The following ACSM3 variants were observed in gnomAD, a reference collection of about 807,000 sequenced individuals.
The protein encoded by ACSM3 is acyl-CoA synthetase medium chain family member 3, also known as acyl-coenzyme A synthetase ACSM3, mitochondrial.
Under a neutral mutation model 74.1 loss-of-function variants are expected in ACSM3, and 61 were observed. The observed-to-expected ratio is 0.82, with a 90% CI of 0.67 to 1.02. ACSM3 has a LOEUF of 1.02. Among genes scored for constraint, ACSM3 ranks in the 50% least tolerant of loss-of-function variants. The pLI is 0.00. For missense variants in ACSM3, 660 were observed against 697.0 expected, an observed-to-expected ratio of 0.95 and a Z score of 0.60; for synonymous variants, 213 against 241.5, an observed-to-expected ratio of 0.88 and a Z score of 1.09.
chr16:20,733,438 G>A (rs1243215489), intron 1 of ACSM3, among the ~76,000 whole-genome samples: 2 of 152,022 alleles, frequency 1.3e-5, no homozygotes, highest in African/African-American at 4.8e-5. Flanking sequence ...ATGAAAGTAA[G>A]TACTGTATTA....
intron 1 of ACSM3, chr16:20,679,654 G>A (rs1245568388): frequency 1.3e-5 from 2 of 152,114 alleles, no homozygotes; most frequent in East Asian, 3.9e-4. Flanking sequence ...CCCACACTGT[G>A]TACATACTAC....
At chr16:20,759,666 C>T (rs1341386682), upstream of ACSM3, among the ~76,000 whole-genome samples, 1 of 152,000 alleles carries the variant, frequency 6.6e-6, no homozygotes, top group African/African-American at 2.4e-5. Context: ...AAGCTCTGTA[C>T]CCCTTCTCCC....
chr16:20,680,430 T>G (rs1323965490), intron 1 of ACSM3: 1 of 152,218 alleles, frequency 6.6e-6, no homozygotes, highest in Non-Finnish European at 1.5e-5. Flanking sequence ...AAAACATAGC[T>G]GGCAGCTTAG....
chr16:20,727,318 GCC>G, intron 1 of ACSM3: 1 of 575,060 alleles, frequency 1.7e-6, no homozygotes, highest in South Asian at 1.4e-5. Context: ...TCTCAAAAAG[GCC>G]CCATGCAACT....
At position 20,790,628 on chromosome 16, in the gene ACSM3, A is replaced by AG. The variant is rs770046133; in HGVS notation, c.1268dup (p.Asp424ArgfsTer21). ...GCAATGTTCTACCTCCTGGACAAGA[A>AG]GGAGATATTGGCATTCAAGTTCTAC... On this transcript the variant is annotated frameshift_variant, in exon 10 of 14. Coordinates refer to ENST00000289416, the MANE Select transcript of ACSM3 (RefSeq NM_005622.4). LOFTEE classifies it high-confidence loss of function. This position sits in a 1 kb window ranked among gnomAD's most constrained non-coding sequence, Gnocchi z 4.0. 281 of 1,614,188 alleles carry AG rather than the reference A, an allele frequency of 1.7e-4. 5 individuals carry two copies. The South Asian group carries it at 3.0e-3, about 17-fold the overall frequency.
intron 2 of ACSM3, among the ~76,000 whole-genome samples, chr16:20,752,191 C>CAA (rs879471716): frequency 7.0e-6 from 1 of 141,856 alleles, no homozygotes; most frequent in Non-Finnish European, 1.5e-5. Context: ...CTCTGTCTCA[C>CAA]AAAAAAAAAA....
intron 4 of ACSM3, 98 bp downstream of exon 4, chr16:20,777,678 A>T: frequency 9.5e-7 from 1 of 1,054,098 alleles, no homozygotes; most frequent in Non-Finnish European, 1.4e-6. Flanking sequence ...GCAAATTAAA[A>T]CAACAGGCAA....
intron 3 of ACSM3, among the ~76,000 whole-genome samples, chr16:20,756,226 T>C (rs2080030509): frequency 6.6e-6 from 1 of 151,922 alleles, no homozygotes; most frequent in Non-Finnish European, 1.5e-5. Context: ...TCCACAATGG[T>C]TGAACTAGTT....
chr16:20,755,097 G>T (rs572890752), intron 2 of ACSM3, among the ~76,000 whole-genome samples: 1 of 152,284 alleles, frequency 6.6e-6, no homozygotes, highest in South Asian at 2.1e-4. Flanking sequence ...TGCAACTCAG[G>T]TGTCATCCAA....
chr16:20,735,853 TAA>T (rs2079864494), intron 1 of ACSM3: 1 of 152,202 alleles, frequency 6.6e-6, no homozygotes, highest in East Asian at 1.9e-4. Context: ...TTATTGAGAA[TAA>T]AGTCTCTTCA....
At chr16:20,674,462 C>G (rs1161507386), upstream of ACSM3, 2 of 157,252 alleles carry the variant, frequency 1.3e-5, no homozygotes, top group Non-Finnish European at 2.8e-5. Flanking sequence ...CTCTCCACCC[C>G]CAAAATGCTT....
Position 20,770,121 on chromosome 16 carries a change from TA to T in ACSM3, c.90del (p.Asp31IlefsTer16), listed in dbSNP as rs1194405721. ...TTTTTGGTTCTGTGAGGGCACTGCATAAAGATAATAGAACAGCAACCCCTCA... is the reference window on the plus strand; with the variant it reads ...TTTTTGGTTCTGTGAGGGCACTGCATAAGATAATAGAACAGCAACCCCTCA... ...AIFGSVRALHKDNRTATPQNF... is the reference protein window; with the variant it reads ...AIFGSVRALHXDNRTATPQNF... On this transcript the variant is annotated frameshift_variant, in exon 2 of 14. Coordinates refer to ENST00000289416, the MANE Select transcript of ACSM3 (RefSeq NM_005622.4). LOFTEE classifies it high-confidence loss of function. 5 of 1,614,146 alleles carry T rather than the reference TA, an allele frequency of 3.1e-6. No homozygotes were observed. The highest frequency in any genetic ancestry group is 4.2e-6 in the Non-Finnish European group (5 of 1,180,028).
intron 1 of ACSM3, among the ~76,000 whole-genome samples, chr16:20,744,441 C>T (rs2079949557): frequency 6.6e-6 from 1 of 152,154 alleles, no homozygotes; most frequent in South Asian, 2.1e-4. Flanking sequence ...ATGGAGTGCA[C>T]TGGTGCAGTC....
At chr16:20,745,560 C>T (rs1025313272) in intron 1 of ACSM3, among the ~76,000 whole-genome samples, 1 of 150,574 alleles carries the variant, frequency 6.6e-6, no homozygotes, top group Non-Finnish European at 1.5e-5. Flanking sequence ...CCAGCCTGGG[C>T]AAAATAGACT....
chr16:20,780,333 T>G, intron 4 of ACSM3: 1 of 348,408 alleles, frequency 2.9e-6, no homozygotes, highest in Non-Finnish European at 5.3e-6. Flanking sequence ...AAAAATCACA[T>G]TTTAAAGCAT....
chr16:20,757,287 T>G (rs1212140113), intron 3 of ACSM3, among the ~76,000 whole-genome samples: 1 of 151,116 alleles, frequency 6.6e-6, no homozygotes, highest in Non-Finnish European at 1.5e-5. Context: ...TTCTTCCATT[T>G]GTTTGTATCC....
At chr16:20,791,875 C>G in intron 10 of ACSM3, 127 bp from the exon 11 acceptor site, 1 of 1,115,604 alleles carries the variant, frequency 9.0e-7, no homozygotes, top group Non-Finnish European at 1.3e-6. Context: ...TTGCAGTAAG[C>G]CAAGATCGTA....
chr16:20,741,481 G>GGGGGGGGGGGCGGC, intron 1 of ACSM3: 2 of 1,308,414 alleles, frequency 1.5e-6, no homozygotes, highest in Non-Finnish European at 2.0e-6. Context: ...CTGGCAGCCG[G>GGGGGGGGGGGCGGC]CCCGCCCGCC....
At chr16:20,733,087 C>A (rs1737743999) in intron 1 of ACSM3, 1 of 152,430 alleles carries the variant, frequency 6.6e-6, no homozygotes, top group Admixed American at 6.6e-5. Context: ...GTTTAAGATC[C>A]TTCCTGGTTT....
Sources: allele counts gnomAD v4.1 joint callset (sites outside exome capture counted in the v4.1 genomes callset), GRCh38; gene constraint gnomAD v4.1.1; non-coding constraint Gnocchi (gnomAD v3.1); transcripts MANE v1.5; gene names NCBI Gene and HGNC (gene_info 2026-07-23, HGNC 2026-07-21).